C19orf44: variants seen among roughly 807,000 people sequenced by gnomAD.
C19orf44 encodes chromosome 19 open reading frame 44.
C19orf44 carries 43 observed loss-of-function variants against 50.7 expected under a neutral mutation model. The ratio of observed to expected loss-of-function variants is 0.85; its 90% confidence interval spans 0.66 to 1.09. C19orf44 has a LOEUF of 1.09. C19orf44 is among the 50% of genes least tolerant of loss of function. C19orf44 has a pLI of 0.00. For missense variants in C19orf44, 722 were observed against 836.2 expected (o/e 0.86, Z 1.68); for synonymous variants, 298 against 334.7 (o/e 0.89, Z 1.20).
intron 5 of C19orf44, among the ~76,000 whole-genome samples, chr19:16,512,536 T>C (rs1307821845): frequency 6.7e-6 from 1 of 150,074 alleles, no homozygotes; most frequent in Non-Finnish European, 1.5e-5. Context: ...AGCAGAAAAA[T>C]GGAGGCAGCC....
intron 3 of C19orf44, among the ~76,000 whole-genome samples, chr19:16,504,603 GTT>G (rs11340318): frequency 6.8e-6 from 1 of 148,000 alleles, no homozygotes; most frequent in Non-Finnish European, 1.5e-5. Context: ...TCTTCTGTCT[GTT>G]TTTTTTTTTG....
chr19:16,510,090 A>G, intron 5 of C19orf44, 102 bp downstream of exon 5: 1 of 1,566,636 alleles, frequency 6.4e-7, no homozygotes, highest in Non-Finnish European at 8.7e-7. Context: ...GGTTCCTGAG[A>G]TTTGGGCTCT....
rs762439189 is a variant in C19orf44 at position 16,501,003 on chromosome 19, G to T, written c.211G>T (p.Gly71Trp). The T allele has an allele frequency of 6.2e-7, 1 of 1,613,788 alleles. No homozygotes were observed. The highest frequency in any genetic ancestry group is 2.2e-5 in the East Asian group (1 of 44,884). The part of the protein sequence containing the change: ...HLLLKENPVL[G>W]SGPRLASCRP... ...ACTCCTGAAAGAGAACCCTGTGCTCGGGAGTGGACCCAGGCTTGCCTCATG... is the reference window on the plus strand; with the variant it reads ...ACTCCTGAAAGAGAACCCTGTGCTCTGGAGTGGACCCAGGCTTGCCTCATG... Residue 71 changes from glycine to tryptophan, a missense_variant, in exon 2 of 9, where the codon GGG (glycine) becomes TGG (tryptophan). Gly to Trp is a radical substitution (Grantham distance 184). Coordinates refer to ENST00000221671, the MANE Select transcript of C19orf44 (RefSeq NM_032207.4).
intron 8 of C19orf44, chr19:16,518,916 G>A: frequency 1.8e-6 from 1 of 554,454 alleles, no homozygotes. Context: ...AGGAAAACGA[G>A]CCTGGGGCCC....
At position 16,521,261 on chromosome 19, in the gene C19orf44, C is replaced by T. The variant is rs913964769; in HGVS notation, c.*1208C>T. On this transcript the variant is annotated 3_prime_UTR_variant, in exon 9 of 9. Transcript: ENST00000221671. ...CCACTGGGAAGGGTGGGCTGAGGGC[C>T]CTGTGGCAGCCGGCTGCTTGAGACG... The T allele has an allele frequency of 2.5e-5, 14 of 567,322 alleles. No homozygotes were observed. Among genetic ancestry groups the T allele is most frequent in the African/African-American group, 1.9e-4 (10 of 53,438 alleles). The allele number at this position is 567,322 out of a possible 1,614,324, so 35.1% of individuals were successfully genotyped here. A position where few individuals can be genotyped will look rare whatever the true frequency, so the allele number is the denominator to read the frequency against.
rs372159269 is a variant in C19orf44, at chr19:16,514,504, C to G, written c.1743C>G (p.Thr581=). The change falls in exon 7 of 9, where the codon ACC becomes ACG. Residue 581 remains threonine (T), a synonymous_variant. Transcript: ENST00000221671. ...AACGCGGAGCTGGGTCAGCCCTGAC[C>G]GCTTACAGCCCGGCCGTGCTGGCAC... ...VISADAIEAL[T]AYSPAVLALH... is the part of the protein sequence containing the mutation. 2 of 1,610,022 alleles carry G rather than the reference C, an allele frequency of 1.2e-6. No individual in the cohort carries two copies. The highest frequency in any genetic ancestry group is 2.2e-5 in the East Asian group (1 of 44,722).
intron 3 of C19orf44, among the ~76,000 whole-genome samples, chr19:16,505,063 T>C (rs1456447675): frequency 2.6e-5 from 4 of 151,930 alleles, no homozygotes; most frequent in African/African-American, 4.8e-5. Flanking sequence ...GTGATCCGCC[T>C]GCCTCCGCCT....
intron 1 of C19orf44, among the ~76,000 whole-genome samples, chr19:16,500,375 C>T (rs1688059082): frequency 6.9e-6 from 1 of 143,920 alleles, no homozygotes; most frequent in South Asian, 2.2e-4. Context: ...TTTTTTTAGA[C>T]AGGGTTTCAC....
At position 16,520,464 on chromosome 19, in the gene C19orf44, A is replaced by C. The variant is rs1376813566; in HGVS notation, c.*411A>C. On this transcript the variant is annotated 3_prime_UTR_variant, in exon 9 of 9. Coordinates refer to ENST00000221671, the MANE Select transcript of C19orf44 (RefSeq NM_032207.4). The surrounding 1 kb of genome is among the most constrained non-coding windows in gnomAD (Gnocchi z 4.0). ...GATCTTGAGTTGGAGCGGGAGGAAG[A>C]ACGCCCTCGACTCTTGGATCTGCTC... 1 of 1,614,004 alleles carries C rather than the reference A, an allele frequency of 6.2e-7. No individual in the cohort carries two copies. The highest frequency in any genetic ancestry group is 1.7e-5 in the Admixed American group (1 of 60,008).
At position 16,521,137 on chromosome 19, in the gene C19orf44, C is replaced by A. The variant is rs1036077811; in HGVS notation, c.*1084C>A. 1.8e-5 allele frequency: 11 copies of A among 599,272 alleles called. No homozygotes were observed. Among genetic ancestry groups the A allele is most frequent in the Non-Finnish European group, 3.0e-5 (10 of 335,040 alleles). The allele number at this position is 599,272 out of a possible 1,614,324, so 37.1% of individuals were successfully genotyped here. On this transcript the variant is annotated 3_prime_UTR_variant, in exon 9 of 9. Transcript: ENST00000221671. ...CCACGCCCTTGCCACCCTGCTGTTC[C>A]GCTGAGGTGGTGGGGACCCATGGTC...
chr19:16,519,475 G>A lies in C19orf44; in HGVS notation c.*41-619G>A, dbSNP rs1599744108. The A allele has an allele frequency of 7.9e-6, 10 of 1,272,204 alleles. No homozygotes were observed. Among genetic ancestry groups the A allele is most frequent in the South Asian group, 1.3e-5 (1 of 75,314 alleles). 78.8% of individuals were successfully genotyped at this position (1,272,204 alleles called of 1,614,324 possible). ...AATGGGTAGAGAGAACCCGCAGGCCGGCCCTGTCTAGAGGGTCTGGGTGGA... is the reference window on the plus strand; with the variant it reads ...AATGGGTAGAGAGAACCCGCAGGCCAGCCCTGTCTAGAGGGTCTGGGTGGA... On this transcript the variant is annotated intron_variant, in intron 8 of 8. Coordinates refer to ENST00000221671, the MANE Select transcript of C19orf44 (RefSeq NM_032207.4). This position sits in a 1 kb window ranked among gnomAD's most constrained non-coding sequence, Gnocchi z 6.0.
In C19orf44 at chr19:16,519,361, A is replaced by G. The variant is rs772491306; in HGVS notation, c.*41-733A>G. 3.7e-6 allele frequency: 6 copies of G among 1,608,260 alleles called. No homozygotes were observed. The Admixed American group carries it at 1.0e-4, about 27-fold the overall frequency. ...GCCTGAGCCGCTCCAGCCTGGAAACAGAGACGCAGTCACAACCACAACAAG... is the reference window on the plus strand; with the variant it reads ...GCCTGAGCCGCTCCAGCCTGGAAACGGAGACGCAGTCACAACCACAACAAG... On this transcript the variant is annotated intron_variant, in intron 8 of 8. Coordinates refer to ENST00000221671, the MANE Select transcript of C19orf44 (RefSeq NM_032207.4). This position sits in a 1 kb window ranked among gnomAD's most constrained non-coding sequence, Gnocchi z 6.0.
intron 1 of C19orf44, among the ~76,000 whole-genome samples, chr19:16,498,795 T>C (rs772098082): frequency 6.6e-6 from 1 of 151,422 alleles, no homozygotes; most frequent in Non-Finnish European, 1.5e-5. Context: ...CTCGGCCTCC[T>C]GAGTAGCTGG....
intron 6 of C19orf44, 47 bp from the exon 7 acceptor site, chr19:16,514,450 T>G: frequency 6.6e-7 from 1 of 1,510,406 alleles, no homozygotes; most frequent in Non-Finnish European, 8.9e-7. Context: ...GGCTGCAGAA[T>G]TTGTGGGGCC....
rs767807381 is a variant in C19orf44, at chr19:16,506,785, C to A, written c.1149+11C>A. On this transcript the variant is annotated intron_variant, in intron 4 of 8. Coordinates refer to ENST00000221671, the MANE Select transcript of C19orf44 (RefSeq NM_032207.4). ...GATTTGGAACAGGAAGTAAGTACAA[C>A]AAAGTCATTTTTCATGGTCGATTGT... 2 of 1,572,896 alleles carry A rather than the reference C, an allele frequency of 1.3e-6. No individual in the cohort carries two copies. Among genetic ancestry groups the A allele is most frequent in the African/African-American group, 1.4e-5 (1 of 73,182 alleles).
chr19:16,506,222 G>A lies in C19orf44; in HGVS notation c.1076-479G>A, dbSNP rs186771275. Among the ~76,000 whole-genome samples, 1,071 of 148,568 alleles carry A rather than the reference G, an allele frequency of 7.2e-3. 14 individuals carry two copies. The highest frequency in any genetic ancestry group is 0.025 in the African/African-American group (1,019 of 40,240). On this transcript the variant is annotated intron_variant, in intron 3 of 8. Transcript: ENST00000221671. ...GATCTCCTGACCTTGTGATCTGCCCGCCTCGGCCTCCCAAAGTGTTGGGAT... is the reference window on the plus strand; with the variant it reads ...GATCTCCTGACCTTGTGATCTGCCCACCTCGGCCTCCCAAAGTGTTGGGAT...
intron 2 of C19orf44, among the ~76,000 whole-genome samples, chr19:16,501,940 G>A (rs1203047768): frequency 5.6e-5 from 8 of 143,538 alleles, no homozygotes; most frequent in Non-Finnish European, 6.0e-5. Context: ...ACCAAGTTTC[G>A]TTCTTGTTGC....
intron 7 of C19orf44, among the ~76,000 whole-genome samples, chr19:16,517,013 CTCTG>C (rs2085541639): frequency 6.6e-6 from 1 of 152,230 alleles, no homozygotes; most frequent in African/African-American, 2.4e-5. Context: ...CCCTCCCTTT[CTCTG>C]TCAGGGCTCA....
At chr19:16,498,734 G>A (rs929283493) in intron 1 of C19orf44, among the ~76,000 whole-genome samples, 5 of 151,500 alleles carry the variant, frequency 3.3e-5, no homozygotes, top group Admixed American at 6.6e-5. Context: ...GCAATGGCGC[G>A]ATCTCGGTTC....
Sources: allele counts gnomAD v4.1 joint callset (sites outside exome capture counted in the v4.1 genomes callset), GRCh38; gene constraint gnomAD v4.1.1; non-coding constraint Gnocchi (gnomAD v3.1); transcripts MANE v1.5; gene names NCBI Gene and HGNC (gene_info 2026-07-23, HGNC 2026-07-21).